Variants in VPS37A observed in about 807,000 individuals in gnomAD.
The protein encoded by VPS37A is vacuolar protein sorting-associated protein 37A.
A neutral mutation model predicts 49.8 loss-of-function variants in VPS37A; 30 were observed. The ratio of observed to expected loss-of-function variants is 0.60; its 90% CI spans 0.45 to 0.82. The LOEUF (loss-of-function observed/expected upper bound fraction) is 0.82. VPS37A is among the 40% of genes least tolerant of loss of function. The probability of loss-of-function intolerance (pLI) is 0.00; values close to 1 mark genes in which losing one functional copy is unlikely to be tolerated. For missense variants in VPS37A, 593 were observed against 464.4 expected, an observed-to-expected ratio of 1.28 and a Z score of -2.55; for synonymous variants, 195 against 160.6, an observed-to-expected ratio of 1.21 and a Z score of -1.62.
chr8:17,309,435 T>A, the VPS37A span: 13 of 754,376 alleles, frequency 1.7e-5, no homozygotes, highest in Admixed American at 2.4e-5. Context: ...GTCCCCATCC[T>A]CGAGTAACCT....
chr8:17,319,358 T>C, the VPS37A span, among the ~76,000 whole-genome samples: 6 of 152,194 alleles, frequency 3.9e-5, no homozygotes, highest in East Asian at 7.7e-4. Flanking sequence ...TGATACACAT[T>C]GTATTATCTG....
intron 11 of VPS37A, among the ~76,000 whole-genome samples, chr8:17,290,856 G>C (rs1816075609): frequency 6.6e-6 from 1 of 152,182 alleles, no homozygotes; most frequent in East Asian, 1.9e-4. Flanking sequence ...TTCAGAACTT[G>C]TTATTGGTCT....
chr8:17,282,078 T>C (rs1313857354), intron 9 of VPS37A, among the ~76,000 whole-genome samples: 1 of 152,044 alleles, frequency 6.6e-6, no homozygotes, highest in Non-Finnish European at 1.5e-5. Context: ...TTCAGATGGG[T>C]AGTCAGGAAG....
Position 17,247,057 on chromosome 8 carries a change from C to G in VPS37A, c.-188C>G. 1 of 724,826 alleles carries G rather than the reference C, an allele frequency of 1.4e-6. No homozygotes were observed. Among genetic ancestry groups the G allele is most frequent in the East Asian group, 2.8e-5 (1 of 36,338 alleles). The allele number at this position is 724,826 out of a possible 1,614,324, so 44.9% of individuals were successfully genotyped here. ...GCAAGTTTCCCTCTCCAGCCGCCCG[C>G]CGTTCGTAGCATGTCCCCCAGAACT... On this transcript the variant is annotated 5_prime_UTR_variant, in exon 1 of 12. Transcript: ENST00000324849.
intron 6 of VPS37A, among the ~76,000 whole-genome samples, chr8:17,278,712 A>G (rs916838068): frequency 2.0e-5 from 3 of 152,062 alleles, no homozygotes; most frequent in African/African-American, 4.8e-5. Flanking sequence ...TGTTTTTTAC[A>G]GTTCTGTTGT....
the VPS37A span, among the ~76,000 whole-genome samples, chr8:17,327,378 C>T: frequency 6.6e-6 from 1 of 152,194 alleles, no homozygotes; most frequent in Non-Finnish European, 1.5e-5. Flanking sequence ...CCAAGTGATC[C>T]TCCCACATCA....
At chr8:17,264,688 C>T (rs1003787512) in intron 1 of VPS37A, among the ~76,000 whole-genome samples, 2 of 152,042 alleles carry the variant, frequency 1.3e-5, no homozygotes, top group Non-Finnish European at 2.9e-5. Flanking sequence ...AAGAAGCATC[C>T]AAAAGAACAA....
chr8:17,260,222 C>T (rs958502768), intron 1 of VPS37A, among the ~76,000 whole-genome samples: 3 of 151,988 alleles, frequency 2.0e-5, no homozygotes, highest in African/African-American at 7.2e-5. Flanking sequence ...AGTGAATCTA[C>T]TATAGGTTTT....
Position 17,296,867 on chromosome 8 carries a change from C to G in VPS37A, c.*1881C>G, listed in dbSNP as rs536994955. On this transcript the variant is annotated 3_prime_UTR_variant, in exon 12 of 12. Transcript: ENST00000324849. ...TCATTCTATACCATTCATTGGATAA[C>G]CTTGTTACAACCCAGTCATGAAACA... 5 of 152,188 alleles carry G rather than the reference C, an allele frequency of 3.3e-5. No homozygotes were observed. In the East Asian group the frequency reaches 9.7e-4, roughly 29 times the overall value. The allele number at this position is 152,188 out of a possible 1,614,324, so 9.4% of individuals were successfully genotyped here. A position where few individuals can be genotyped will look rare whatever the true frequency, so the allele number is the denominator to read the frequency against.
At chr8:17,287,351 TTTC>T (rs1345935005) in intron 11 of VPS37A, among the ~76,000 whole-genome samples, 3 of 152,146 alleles carry the variant, frequency 2.0e-5, no homozygotes, top group African/African-American at 7.2e-5. Context: ...TGTTTGGTTG[TTTC>T]TTATTTCTGC....
chr8:17,322,395 A>T, the VPS37A span, among the ~76,000 whole-genome samples: 90,173 of 152,148 alleles, frequency 0.59, 28,867 homozygotes, highest in African/African-American at 0.83. Context: ...CTATTAGTAT[A>T]TATGAATGTG....
chr8:17,323,155 A>C, the VPS37A span, among the ~76,000 whole-genome samples: 1 of 151,526 alleles, frequency 6.6e-6, no homozygotes, highest in East Asian at 2.0e-4. Flanking sequence ...ACCATGTCGG[A>C]CAGCAGGTCT....
the VPS37A span, among the ~76,000 whole-genome samples, chr8:17,328,572 G>A: frequency 6.6e-6 from 1 of 151,946 alleles, no homozygotes; most frequent in East Asian, 1.9e-4. Flanking sequence ...GTTGGCGGGG[G>A]TGGGGGAGTG....
At chr8:17,331,323 G>A in the VPS37A span, 3 of 1,540,328 alleles carry the variant, frequency 1.9e-6, no homozygotes, top group Non-Finnish European at 2.6e-6. Context: ...CAATTACATT[G>A]ATGAAACAAT....
At chr8:17,279,737 T>C in intron 6 of VPS37A, 1 of 482,872 alleles carries the variant, frequency 2.1e-6, no homozygotes, top group Non-Finnish European at 4.1e-6. Flanking sequence ...TGTATAACTG[T>C]GAACACTTCC....
At chr8:17,266,838 A>G (rs867716959) in intron 2 of VPS37A, among the ~76,000 whole-genome samples, 6 of 152,060 alleles carry the variant, frequency 3.9e-5, no homozygotes, top group African/African-American at 1.4e-4. Context: ...CAGTGGCACA[A>G]TCTTGGCCAC....
At chr8:17,317,982 T>C in the VPS37A span, among the ~76,000 whole-genome samples, 1 of 152,126 alleles carries the variant, frequency 6.6e-6, no homozygotes, top group African/African-American at 2.4e-5. Context: ...ATGTTGTGTT[T>C]AACTGGAACA....
intron 1 of VPS37A, among the ~76,000 whole-genome samples, chr8:17,249,727 C>T (rs1320647713): frequency 6.6e-6 from 1 of 152,154 alleles, no homozygotes; most frequent in Non-Finnish European, 1.5e-5. Context: ...TATTTTTTCT[C>T]ATCAGTCATA....
chr8:17,332,901 G>A, the VPS37A span, among the ~76,000 whole-genome samples: 8 of 152,192 alleles, frequency 5.3e-5, no homozygotes, highest in African/African-American at 1.9e-4. Context: ...AGCAATTACA[G>A]CAGAAAGACA....
Sources: gnomAD v4.1 joint callset for allele counts (sites outside exome capture counted in the v4.1 genomes callset) on GRCh38, gnomAD v4.1.1 for gene constraint, MANE v1.5 for transcripts, NCBI Gene and HGNC (gene_info 2026-07-23, HGNC 2026-07-21) for gene names.